Variants in CCL8 observed in about 807,000 individuals in gnomAD.
CCL8 encodes C-C motif chemokine ligand 8, also known as C-C motif chemokine 8.
A neutral mutation model predicts 6.6 loss-of-function variants in CCL8; 3 were observed. The observed-to-expected ratio is 0.45, with a 90% CI of 0.21 to 1.17. CCL8 has a LOEUF of 1.17. CCL8 is among the 50% of genes most tolerant of loss of function. The pLI is 0.24. For synonymous variants in CCL8, 49 were observed against 41.8 expected (o/e 1.17, Z -0.67); for missense variants, 127 against 118.1 (o/e 1.08, Z -0.35).
At chr17:34,320,453 C>A in intron 2 of CCL8, 67 bp downstream of exon 2, 1 of 1,021,520 alleles carries the variant, frequency 9.8e-7, no homozygotes, top group Non-Finnish European at 1.6e-6. Context: ...AGTCAAGATT[C>A]ATGTCCATAT....
At position 34,321,042 on chromosome 17, in the gene CCL8, A is replaced by C. The variant is rs200335290; in HGVS notation, c.*135A>C. The stretch of plus-strand genomic sequence containing the variant: ...TTATTTTTAAATAATTTAAAGCATA[A>C]TATTTCTTAAAAAGTATTTAATTAT... On this transcript the variant is annotated 3_prime_UTR_variant, in exon 3 of 3. Transcript: ENST00000394620. 4 of 582,456 alleles carry C rather than the reference A, an allele frequency of 6.9e-6. No individual in the cohort carries two copies. Among genetic ancestry groups the C allele is most frequent in the Non-Finnish European group, 1.2e-5 (4 of 335,094 alleles). 36.1% of individuals were successfully genotyped at this position (582,456 alleles called of 1,614,324 possible). A position where few individuals can be genotyped will look rare whatever the true frequency, so the allele number is the denominator to read the frequency against.
At chr17:34,319,792 T>G (rs956672148) in intron 1 of CCL8, among the ~76,000 whole-genome samples, 1 of 152,148 alleles carries the variant, frequency 6.6e-6, no homozygotes, top group African/African-American at 2.4e-5. Context: ...CGAAGAACTG[T>G]TTCTCACTGT....
chr17:34,320,174 A>T (rs1909476214), intron 1 of CCL8, 95 bp from the exon 2 acceptor site: 1 of 760,518 alleles, frequency 1.3e-6, no homozygotes, highest in Non-Finnish European at 2.3e-6. Context: ...TGGGATGGTG[A>T]CTTCTTGGTC....
At chr17:34,320,642 T>A (rs539105210) in intron 2 of CCL8, among the ~76,000 whole-genome samples, 160 bp from the exon 3 acceptor site, 75 of 152,302 alleles carry the variant, frequency 4.9e-4, no homozygotes, top group Non-Finnish European at 8.4e-4. Context: ...CAGAGCTTCC[T>A]TCTGGAGCTT....
intron 2 of CCL8, 102 bp downstream of exon 2, chr17:34,320,488 C>G: frequency 1.3e-6 from 1 of 769,772 alleles, no homozygotes; most frequent in East Asian, 2.5e-5. Flanking sequence ...TAACTTCTAT[C>G]CAAAGGGCCC....
Position 34,320,295 on chromosome 17 carries a change from T to A in CCL8, c.103T>A (p.Cys35Ser). ...PDSVSIPITC[C>S]FNVINRKIPI... ...TTCAGTTTCCATTCCAATCACCTGCTGCTTTAACGTGATCAATAGGAAAAT... is the reference window on the plus strand; with the variant it reads ...TTCAGTTTCCATTCCAATCACCTGCAGCTTTAACGTGATCAATAGGAAAAT... The change falls in exon 2 of 3, where the codon TGC (cysteine) becomes AGC (serine). Residue 35 changes from cysteine (C) to serine (S), a missense_variant. By Grantham distance (112) the Cys-to-Ser change is moderately radical. Transcript: ENST00000394620. 6.2e-7 allele frequency: 1 copy of A among 1,613,480 alleles called. No individual in the cohort carries two copies. Among genetic ancestry groups the A allele is most frequent in the Non-Finnish European group, 8.5e-7 (1 of 1,179,484 alleles).
rs1909484567 is a variant in CCL8, at chr17:34,320,405, G to A, written c.194+19G>A. On this transcript the variant is annotated intron_variant, in intron 2 of 2. Transcript: ENST00000394620. ...CTGTGATGTGAGTGGACAGTGCCTG[G>A]CACCCCCATTCAAAAGTTCTGATGG... 1.4e-6 allele frequency: 2 copies of A among 1,478,692 alleles called. No individual in the cohort carries two copies. Among genetic ancestry groups the A allele is most frequent in the Non-Finnish European group, 1.9e-6 (2 of 1,056,640 alleles). 91.6% of individuals were successfully genotyped at this position (1,478,692 alleles called of 1,614,324 possible). A position where few individuals can be genotyped will look rare whatever the true frequency, so the allele number is the denominator to read the frequency against.
In CCL8 at chr17:34,320,774, A is replaced by G. The variant is rs373268145; in HGVS notation, c.195-28A>G. The stretch of plus-strand genomic sequence containing the variant: ...CTGTGCAGGATCTTCAAAGTCTTCC[A>G]TCTAATTGTGCCCTCTCTCCCCCAC... On this transcript the variant is annotated intron_variant, in intron 2 of 2. Transcript: ENST00000394620. 33 of 1,409,668 alleles carry G rather than the reference A, an allele frequency of 2.3e-5. No individual in the cohort carries two copies. In the East Asian group the frequency reaches 6.5e-4, roughly 28 times the overall value. The allele number at this position is 1,409,668 out of a possible 1,614,324, so 87.3% of individuals were successfully genotyped here.
rs1909509262 is a variant in CCL8 at position 34,321,056 on chromosome 17, G to C, written c.*149G>C. 1 of 552,294 alleles carries C rather than the reference G, an allele frequency of 1.8e-6. No individual in the cohort carries two copies. Among genetic ancestry groups the C allele is most frequent in the African/African-American group, 2.0e-5 (1 of 49,936 alleles). The allele number at this position is 552,294 out of a possible 1,614,324, so 34.2% of individuals were successfully genotyped here. A position where few individuals can be genotyped will look rare whatever the true frequency, so the allele number is the denominator to read the frequency against. ...TTTAAAGCATAATATTTCTTAAAAA[G>C]TATTTAATTATATTTAAGTTGTTGA... On this transcript the variant is annotated 3_prime_UTR_variant, in exon 3 of 3. Coordinates refer to ENST00000394620, the MANE Select transcript of CCL8 (RefSeq NM_005623.3).
chr17:34,320,928 A>T lies in CCL8; in HGVS notation c.*21A>T, dbSNP rs200181901. 1.1e-5 allele frequency: 16 copies of T among 1,494,576 alleles called. No individual in the cohort carries two copies. The highest frequency in any genetic ancestry group is 1.5e-5 in the Non-Finnish European group (16 of 1,085,202). 92.6% of individuals were successfully genotyped at this position (1,494,576 alleles called of 1,614,324 possible). A position where few individuals can be genotyped will look rare whatever the true frequency, so the allele number is the denominator to read the frequency against. On this transcript the variant is annotated 3_prime_UTR_variant, in exon 3 of 3. Transcript: ENST00000394620. ...CATGAGCCTTCATACATGGACTGAGAGTCAGAGCTTGAAGAAAAGCTTATT... is the reference window on the plus strand; with the variant it reads ...CATGAGCCTTCATACATGGACTGAGTGTCAGAGCTTGAAGAAAAGCTTATT...
chr17:34,320,091 C>T (rs963724248), intron 1 of CCL8, among the ~76,000 whole-genome samples, 178 bp from the exon 2 acceptor site: 2 of 152,122 alleles, frequency 1.3e-5, no homozygotes, highest in Non-Finnish European at 1.5e-5. Context: ...AATGACGGGC[C>T]GCAGAGTTCA....
In CCL8 at chr17:34,320,303, C is replaced by A. The variant is rs368550510; in HGVS notation, c.111C>A (p.Asn37Lys). 3 of 1,613,362 alleles carry A rather than the reference C, an allele frequency of 1.9e-6. No individual in the cohort carries two copies. The African/African-American group carries it at 4.0e-5, about 22-fold the overall frequency. ...CCATTCCAATCACCTGCTGCTTTAA[C>A]GTGATCAATAGGAAAATTCCTATCC... ...SVSIPITCCF[N>K]VINRKIPIQR... The change falls in exon 2 of 3, where the codon AAC (asparagine) becomes AAA (lysine). Residue 37 changes from asparagine to lysine, a missense_variant. Coordinates refer to ENST00000394620, the MANE Select transcript of CCL8 (RefSeq NM_005623.3).
rs1274925280 is a variant in CCL8, at chr17:34,321,067, T to C, written c.*160T>C. 1.9e-6 allele frequency: 1 copy of C among 533,986 alleles called. No individual in the cohort carries two copies. The highest frequency in any genetic ancestry group is 3.2e-6 in the Non-Finnish European group (1 of 310,762). 33.1% of individuals were successfully genotyped at this position (533,986 alleles called of 1,614,324 possible). A position where few individuals can be genotyped will look rare whatever the true frequency, so the allele number is the denominator to read the frequency against. ...ATATTTCTTAAAAAGTATTTAATTA[T>C]ATTTAAGTTGTTGATGTTTTAACTC... On this transcript the variant is annotated 3_prime_UTR_variant, in exon 3 of 3. Coordinates refer to ENST00000394620, the MANE Select transcript of CCL8 (RefSeq NM_005623.3).
rs766806815 is a variant in CCL8, at chr17:34,319,435, A to C, written c.-67A>C. ...AAGGCAGGCAGAGCCACCGAGGAGCAGAGAGGTTGAGAACAACCCAGAAAC... is the reference window on the plus strand; with the variant it reads ...AAGGCAGGCAGAGCCACCGAGGAGCCGAGAGGTTGAGAACAACCCAGAAAC... On this transcript the variant is annotated 5_prime_UTR_variant, in exon 1 of 3. Transcript: ENST00000394620. The C allele has an allele frequency of 5.6e-5, 77 of 1,379,246 alleles. No homozygotes were observed. Among genetic ancestry groups the C allele is most frequent in the Non-Finnish European group, 7.9e-5 (77 of 969,500 alleles). 85.4% of individuals were successfully genotyped at this position (1,379,246 alleles called of 1,614,324 possible).
At chr17:34,320,521 G>A (rs1909487853) in intron 2 of CCL8, 135 bp downstream of exon 2, 3 of 667,484 alleles carry the variant, frequency 4.5e-6, no homozygotes, top group Non-Finnish European at 8.0e-6. Context: ...GAGAAACTCA[G>A]TCCATGAGAA....
chr17:34,321,225 G>T lies in CCL8; in HGVS notation c.*318G>T. On this transcript the variant is annotated 3_prime_UTR_variant, in exon 3 of 3. Coordinates refer to ENST00000394620, the MANE Select transcript of CCL8 (RefSeq NM_005623.3). Reference sequence around the variant, plus strand: ...CTCCCTCCTACCTGTCTGTAGTGTTGTGGGGTCCTCCCATGGATCATCAAG... The same window carrying T: ...CTCCCTCCTACCTGTCTGTAGTGTTTTGGGGTCCTCCCATGGATCATCAAG... 1 of 273,500 alleles carries T rather than the reference G, an allele frequency of 3.7e-6. No homozygotes were observed. The highest frequency in any genetic ancestry group is 6.8e-6 in the Non-Finnish European group (1 of 147,500). The allele number at this position is 273,500 out of a possible 1,614,324, so 16.9% of individuals were successfully genotyped here. A position where few individuals can be genotyped will look rare whatever the true frequency, so the allele number is the denominator to read the frequency against.
At chr17:34,320,045 A>G (rs1010873545) in intron 1 of CCL8, among the ~76,000 whole-genome samples, 2 of 152,174 alleles carry the variant, frequency 1.3e-5, no homozygotes, top group African/African-American at 4.8e-5. Flanking sequence ...GACAAGGACT[A>G]GCTTGTTACT....
intron 2 of CCL8, among the ~76,000 whole-genome samples, chr17:34,320,594 A>G (rs1909490444): frequency 6.6e-6 from 1 of 152,216 alleles, no homozygotes. Context: ...CAATATCTGT[A>G]GCCAGGACCC....
At position 34,320,810 on chromosome 17, in the gene CCL8, C is replaced by T. The variant is rs201535512; in HGVS notation, c.203C>T (p.Thr68Ile). The change falls in exon 3 of 3, where the codon ACC (threonine) becomes ATC (isoleucine). Residue 68 changes from threonine to isoleucine, a missense_variant. Physicochemically the swap from Thr to Ile is moderately conservative, Grantham distance 89. Coordinates refer to ENST00000394620, the MANE Select transcript of CCL8 (RefSeq NM_005623.3). ...CCCTCTCTCCCCCACAGCTTCAAGA[C>T]CAAACGGGGCAAGGAGGTCTGTGCT... ...QCPKEAVIFK[T>I]KRGKEVCADP... is the part of the protein sequence containing the mutation. The T allele has an allele frequency of 6.2e-7, 1 of 1,603,818 alleles. No individual in the cohort carries two copies. The highest frequency in any genetic ancestry group is 8.5e-7 in the Non-Finnish European group (1 of 1,175,800).
Sources: allele counts gnomAD v4.1 joint callset (sites outside exome capture counted in the v4.1 genomes callset), GRCh38; gene constraint gnomAD v4.1.1; transcripts MANE v1.5; gene names NCBI Gene and HGNC (gene_info 2026-07-23, HGNC 2026-07-21).